Variants in TMEM114 observed in about 807,000 individuals in gnomAD.
The protein encoded by TMEM114 is transmembrane protein 114.
TMEM114 carries 6 observed loss-of-function variants against 6.2 expected under a neutral mutation model. The ratio of observed to expected loss-of-function variants is 0.97; its 90% confidence interval spans 0.53 to 1.91. The LOEUF (loss-of-function observed/expected upper bound fraction) is 1.91, where lower values mean the gene tolerates loss of function less well. TMEM114 is among the 40% of genes most tolerant of loss of function. The pLI, the probability that TMEM114 is intolerant of heterozygous loss-of-function variation, is 0.01. For missense variants in TMEM114, 218 were observed against 158.3 expected, an observed-to-expected ratio of 1.38 and a Z score of -2.02; for synonymous variants, 104 against 73.0, an observed-to-expected ratio of 1.42 and a Z score of -2.16.
chr16:8,573,175 G>C (rs763772973), intron 2 of TMEM114, among the ~76,000 whole-genome samples: 15 of 152,122 alleles, frequency 9.9e-5, no homozygotes, highest in Non-Finnish European at 1.5e-4. Context: ...AAGGGCTTTG[G>C]GCATTGAGAG....
At chr16:8,565,086 T>G (rs1469561738), downstream of TMEM114, among the ~76,000 whole-genome samples, 1 of 117,148 alleles carries the variant, frequency 8.5e-6, no homozygotes, top group Admixed American at 9.0e-5. Context: ...AGTGAATGAG[T>G]AAATTAATGA....
At chr16:8,538,178 G>C (rs1381515107) in intron 2 of TMEM114, among the ~76,000 whole-genome samples, 1 of 149,912 alleles carries the variant, frequency 6.7e-6, no homozygotes, top group East Asian at 2.0e-4. Context: ...GGTGGTGCCT[G>C]CTTGTAGTCC....
At chr16:8,555,866 A>T (rs1178878488) in intron 2 of TMEM114, among the ~76,000 whole-genome samples, 1 of 152,212 alleles carries the variant, frequency 6.6e-6, no homozygotes, top group Non-Finnish European at 1.5e-5. Context: ...TCTGGCCTCA[A>T]ATGTCACTAG....
chr16:8,572,063 G>T, intron 3 of TMEM114, 24 bp downstream of exon 3: 3 of 1,521,296 alleles, frequency 2.0e-6, no homozygotes, highest in Non-Finnish European at 2.6e-6. Context: ...ACAAGCCAGA[G>T]CCCTAGGCAG....
downstream of TMEM114, among the ~76,000 whole-genome samples, chr16:8,534,906 T>C (rs1900313460): frequency 1.3e-5 from 2 of 152,250 alleles, no homozygotes; most frequent in Non-Finnish European, 2.9e-5. Flanking sequence ...TTAGACAAAG[T>C]AACATGTGCC....
chr16:8,553,179 A>C (rs1245579368), intron 2 of TMEM114, among the ~76,000 whole-genome samples: 1 of 152,124 alleles, frequency 6.6e-6, no homozygotes, highest in East Asian at 1.9e-4. Flanking sequence ...TCTGAGAAAC[A>C]CTCAGCTGGC....
chr16:8,556,477 T>A (rs912284922), intron 2 of TMEM114, among the ~76,000 whole-genome samples: 23 of 152,156 alleles, frequency 1.5e-4, no homozygotes, highest in African/African-American at 5.3e-4. Flanking sequence ...GCCACTGAGT[T>A]GTGTGCACTT....
At chr16:8,578,508 T>C (rs1326052275) in intron 2 of TMEM114, among the ~76,000 whole-genome samples, 1 of 152,156 alleles carries the variant, frequency 6.6e-6, no homozygotes, top group African/African-American at 2.4e-5. Context: ...CTCGAGAGTC[T>C]GAATTACACC....
chr16:8,589,351 C>T (rs1355476694), intron 1 of TMEM114, 58 bp from the exon 2 acceptor site: 2 of 398,718 alleles, frequency 5.0e-6, no homozygotes, highest in Non-Finnish European at 8.8e-6. Flanking sequence ...GCAGCACCCT[C>T]GTCTGCGGCT....
chr16:8,558,955 G>A (rs573967610), intron 2 of TMEM114, among the ~76,000 whole-genome samples: 42 of 151,874 alleles, frequency 2.8e-4, no homozygotes, highest in Non-Finnish European at 4.4e-4. Flanking sequence ...ATGTTAGCCA[G>A]GATGGTCTCG....
intron 2 of TMEM114, among the ~76,000 whole-genome samples, chr16:8,586,519 G>GTT (rs111838582): frequency 1.7e-3 from 248 of 145,380 alleles, no homozygotes; most frequent in African/African-American, 3.7e-3. Flanking sequence ...CTTTTTTTTT[G>GTT]TTTTTTTTTT....
chr16:8,573,162 A>G (rs554478199), intron 2 of TMEM114, among the ~76,000 whole-genome samples: 2 of 152,282 alleles, frequency 1.3e-5, no homozygotes, highest in Admixed American at 1.3e-4. Flanking sequence ...GACTGTGTGG[A>G]TGAAGGGCTT....
chr16:8,572,005 C>T, intron 3 of TMEM114, 82 bp downstream of exon 3: 9 of 1,419,326 alleles, frequency 6.3e-6, no homozygotes, highest in African/African-American at 2.9e-5. Flanking sequence ...GGATCCCCCT[C>T]GTTTGCTGAG....
At chr16:8,537,137 T>C (rs145487254), downstream of TMEM114, among the ~76,000 whole-genome samples, 9 of 151,796 alleles carry the variant, frequency 5.9e-5, no homozygotes, top group Non-Finnish European at 1.2e-4. Flanking sequence ...GCTCAGAAGT[T>C]GAAGCTGCAG....
chr16:8,530,653 A>G, the TMEM114 span, among the ~76,000 whole-genome samples: 36,857 of 151,336 alleles, frequency 0.24, 4,873 homozygotes, highest in African/African-American at 0.35. Context: ...ACGGATGAAG[A>G]GAGGGAAGGG....
At chr16:8,565,576 G>A (rs914859338), downstream of TMEM114, among the ~76,000 whole-genome samples, 1 of 151,992 alleles carries the variant, frequency 6.6e-6, no homozygotes, top group African/African-American at 2.4e-5. Flanking sequence ...TCTAACCCCC[G>A]GTTAGTCCAG....
intron 2 of TMEM114, among the ~76,000 whole-genome samples, chr16:8,538,628 C>G (rs1471623940): frequency 6.6e-6 from 1 of 152,090 alleles, no homozygotes; most frequent in Non-Finnish European, 1.5e-5. Flanking sequence ...TTGCCTCAGC[C>G]TCCCCAGCAG....
At chr16:8,570,610 G>T (rs140122738) in intron 3 of TMEM114, among the ~76,000 whole-genome samples, 2 of 152,160 alleles carry the variant, frequency 1.3e-5, no homozygotes, top group Non-Finnish European at 2.9e-5. Context: ...GGGATTGCAG[G>T]CATGTTTGTG....
chr16:8,536,935 C>A (rs1253647046), downstream of TMEM114, among the ~76,000 whole-genome samples: 1 of 151,882 alleles, frequency 6.6e-6, no homozygotes, highest in African/African-American at 2.4e-5. Flanking sequence ...AGGCCAGGTG[C>A]AGTGGCTCAC....
Sources: gnomAD v4.1 joint callset for allele counts (sites outside exome capture counted in the v4.1 genomes callset) on GRCh38, gnomAD v4.1.1 for gene constraint, MANE v1.5 for transcripts, NCBI Gene and HGNC (gene_info 2026-07-23, HGNC 2026-07-21) for gene names.